PAX5: variants seen among roughly 807,000 people sequenced by gnomAD.
PAX5 encodes the protein paired box 5.
PAX5 carries 9 observed loss-of-function variants against 43.7 expected under a neutral mutation model. The observed-to-expected ratio is 0.21, with a 90% CI of 0.12 to 0.36. PAX5 has a LOEUF of 0.36. Among genes scored for constraint, PAX5 ranks in the 10% least tolerant of loss-of-function variants. PAX5 has a pLI of 1.00. For synonymous variants in PAX5, 228 were observed against 214.3 expected, an observed-to-expected ratio of 1.06 and a Z score of -0.56; for missense variants, 383 against 532.7, an observed-to-expected ratio of 0.72 and a Z score of 2.77.
chr9:36,976,571 T>C (rs1835447540), intron 5 of PAX5, among the ~76,000 whole-genome samples: 1 of 152,180 alleles, frequency 6.6e-6, no homozygotes, highest in Non-Finnish European at 1.5e-5. Context: ...AAAACAAATG[T>C]TCTGAGTCAT....
At chr9:36,870,553 CAAT>C (rs1356230748) in intron 8 of PAX5, among the ~76,000 whole-genome samples, 2 of 152,144 alleles carry the variant, frequency 1.3e-5, no homozygotes, top group Non-Finnish European at 2.9e-5. Context: ...AAGTTAACAA[CAAT>C]GTTACAATTT....
chr9:36,928,795 G>A (rs956372835), intron 6 of PAX5, among the ~76,000 whole-genome samples: 3 of 152,000 alleles, frequency 2.0e-5, no homozygotes, highest in Non-Finnish European at 2.9e-5. Context: ...ACACTTTTAC[G>A]AGGCAAAAAA....
chr9:36,918,902 AAGATC>A (rs1364174009), intron 7 of PAX5, among the ~76,000 whole-genome samples: 3 of 152,236 alleles, frequency 2.0e-5, no homozygotes, highest in Non-Finnish European at 4.4e-5. Context: ...AGATCAAGCT[AAGATC>A]ATTGATGGAG....
chr9:36,851,874 C>A (rs1387290008), intron 8 of PAX5, among the ~76,000 whole-genome samples: 1 of 152,294 alleles, frequency 6.6e-6, no homozygotes. Flanking sequence ...TGCTCCAGGC[C>A]ACACCCAAGG....
intron 8 of PAX5, among the ~76,000 whole-genome samples, chr9:36,857,197 A>G (rs986301523): frequency 6.6e-6 from 1 of 152,214 alleles, no homozygotes; most frequent in Non-Finnish European, 1.5e-5. Context: ...AAGGTAGGGC[A>G]TGGTAGAAAG....
intron 7 of PAX5, chr9:36,923,045 CT>C (rs1587980109): frequency 3.0e-6 from 1 of 330,536 alleles, no homozygotes; most frequent in East Asian, 4.8e-5. Context: ...AACCCTAGGC[CT>C]CTGAACACTC....
intron 8 of PAX5, among the ~76,000 whole-genome samples, chr9:36,872,987 C>G (rs542727399): frequency 5.3e-5 from 8 of 152,234 alleles, no homozygotes; most frequent in Admixed American, 5.2e-4. Flanking sequence ...CCAGCTCCCT[C>G]CCTGATGCCC....
chr9:37,006,570 A>G, intron 3 of PAX5, 33 bp from the exon 4 acceptor site: 1 of 1,580,248 alleles, frequency 6.3e-7, no homozygotes, highest in Non-Finnish European at 8.7e-7. Context: ...ATTGCTATTT[A>G]CCATCAGGAA....
At chr9:36,897,720 G>C (rs1183731334) in intron 7 of PAX5, among the ~76,000 whole-genome samples, 1 of 152,154 alleles carries the variant, frequency 6.6e-6, no homozygotes, top group African/African-American at 2.4e-5. Context: ...CCTTCCCTCT[G>C]TCTTCACAGA....
In PAX5 at chr9:36,837,431, TTTC is replaced by T. The variant is rs1327190840; in HGVS notation, c.*3126_*3128del. 6 of 233,176 alleles carry T rather than the reference TTTC, an allele frequency of 2.6e-5. No homozygotes were observed. The highest frequency in any genetic ancestry group is 5.1e-5 in the Non-Finnish European group (6 of 118,060). 14.4% of individuals were successfully genotyped at this position (233,176 alleles called of 1,614,324 possible). A position where few individuals can be genotyped will look rare whatever the true frequency, so the allele number is the denominator to read the frequency against. On this transcript the variant is annotated 3_prime_UTR_variant, in exon 10 of 10. Transcript: ENST00000358127. ...ATTTTCATAAAATCCACAATGTCCT[TTTC>T]CAAAAGTCAGAGCTCGAACACAGGG...
intron 7 of PAX5, among the ~76,000 whole-genome samples, chr9:36,916,403 A>G (rs1266167431): frequency 1.3e-5 from 2 of 152,084 alleles, no homozygotes; most frequent in Admixed American, 6.5e-5. Context: ...CTATGTTAAA[A>G]TTTTTCTAGC....
At chr9:36,944,315 C>T (rs1832322367) in intron 6 of PAX5, among the ~76,000 whole-genome samples, 1 of 152,154 alleles carries the variant, frequency 6.6e-6, no homozygotes, top group Admixed American at 6.5e-5. Context: ...ATAAGGCAAG[C>T]ACTCATTATC....
intron 6 of PAX5, among the ~76,000 whole-genome samples, chr9:36,942,738 A>C (rs898472548): frequency 9.2e-5 from 14 of 152,230 alleles, no homozygotes; most frequent in African/African-American, 3.4e-4. Flanking sequence ...CCATTAATAA[A>C]ATTTTAACCT....
At chr9:36,977,268 G>A (rs1285969421) in intron 5 of PAX5, among the ~76,000 whole-genome samples, 2 of 139,902 alleles carry the variant, frequency 1.4e-5, no homozygotes, top group Admixed American at 7.7e-5. Flanking sequence ...ACTGAGGCAG[G>A]GGGTTAAATA....
intron 5 of PAX5, among the ~76,000 whole-genome samples, chr9:36,982,533 G>T (rs955905813): frequency 6.6e-6 from 1 of 152,198 alleles, no homozygotes; most frequent in Admixed American, 6.5e-5. Context: ...GGCAATGAAA[G>T]TCTAGAGACA....
chr9:36,904,744 A>G (rs1158516294), intron 7 of PAX5, among the ~76,000 whole-genome samples: 1 of 152,224 alleles, frequency 6.6e-6, no homozygotes, highest in African/African-American at 2.4e-5. Flanking sequence ...GAATCATGTC[A>G]ATAACCTTGA....
intron 5 of PAX5, among the ~76,000 whole-genome samples, chr9:36,988,673 AAAAAAAAAAAAAAGAG>A (rs1056629637): frequency 1.1e-5 from 1 of 94,196 alleles, no homozygotes; most frequent in African/African-American, 3.5e-5. Context: ...AAAAAAAAAA[AAAAAAAAAAAAAAGAG>A]AGAGAGAGAG....
At chr9:37,029,172 G>T (rs1840718073) in intron 1 of PAX5, among the ~76,000 whole-genome samples, 1 of 152,222 alleles carries the variant, frequency 6.6e-6, no homozygotes, top group African/African-American at 2.4e-5. Flanking sequence ...GACTGGGCTT[G>T]TAAGGAAGAG....
intron 8 of PAX5, among the ~76,000 whole-genome samples, chr9:36,867,283 T>G (rs939100320): frequency 6.6e-6 from 1 of 152,204 alleles, no homozygotes; most frequent in Admixed American, 6.5e-5. Context: ...GGTATACACC[T>G]GGTGTCCCCG....
Sources: gnomAD v4.1 joint callset for allele counts (sites outside exome capture counted in the v4.1 genomes callset) on GRCh38, gnomAD v4.1.1 for gene constraint, MANE v1.5 for transcripts, NCBI Gene and HGNC (gene_info 2026-07-23, HGNC 2026-07-21) for gene names.